Variants in MPRIP observed in about 807,000 individuals in gnomAD.
MPRIP encodes myosin phosphatase Rho-interacting protein.
MPRIP carries 59 observed loss-of-function variants against 234.9 expected under a neutral mutation model. The observed-to-expected ratio is 0.25, with a 90% CI of 0.20 to 0.31. The LOEUF (loss-of-function observed/expected upper bound fraction) is 0.31. MPRIP is among the 10% of genes least tolerant of loss of function. MPRIP has a pLI of 1.00. For synonymous variants in MPRIP, 1,144 were observed against 1,263.9 expected (o/e 0.91, Z 2.01); for missense variants, 2,436 against 3,071.0 (o/e 0.79, Z 4.89).
chr17:17,052,281 G>GT (rs2088565362), intron 1 of MPRIP, among the ~76,000 whole-genome samples: 1 of 152,212 alleles, frequency 6.6e-6, no homozygotes, highest in South Asian at 2.1e-4. Context: ...ACTCCTTAGT[G>GT]TTTTTGTTTG....
intron 3 of MPRIP, among the ~76,000 whole-genome samples, chr17:17,110,015 G>A (rs1207327176): frequency 6.6e-6 from 1 of 152,116 alleles, no homozygotes; most frequent in African/African-American, 2.4e-5. Flanking sequence ...TTGGAGGTGG[G>A]GCCTAGTTGG....
chr17:17,156,946 C>G (rs1401032905), intron 13 of MPRIP, among the ~76,000 whole-genome samples: 1 of 152,226 alleles, frequency 6.6e-6, no homozygotes, highest in Non-Finnish European at 1.5e-5. Context: ...CCTTGGTTCT[C>G]TCTCTAAAGA....
At position 17,042,829 on chromosome 17, in the gene MPRIP, C is replaced by T. The variant is rs745656803; in HGVS notation, c.-20C>T. On this transcript the variant is annotated 5_prime_UTR_variant, in exon 1 of 24. Coordinates refer to ENST00000651222, the MANE Select transcript of MPRIP (RefSeq NM_001364716.4). ...CAGGCCTGCGCCGCCGCCGCCGCCG[C>T]CGTCGCCGCCGCGCCGACCATGTCG... is the stretch of plus-strand genomic sequence containing the variant. The T allele has an allele frequency of 2.2e-4, 323 of 1,444,046 alleles. No individual in the cohort carries two copies. Among genetic ancestry groups the T allele is most frequent in the Non-Finnish European group, 2.9e-4 (311 of 1,086,412 alleles). The allele number at this position is 1,444,046 out of a possible 1,614,324, so 89.5% of individuals were successfully genotyped here.
In MPRIP at chr17:17,166,160, G is replaced by A. The variant is rs982071506; in HGVS notation, c.4569G>A (p.Pro1523=). 33 of 1,302,358 alleles carry A rather than the reference G, an allele frequency of 2.5e-5. No individual in the cohort carries two copies. Among genetic ancestry groups the A allele is most frequent in the African/African-American group, 6.1e-5 (4 of 65,822 alleles). 80.7% of individuals were successfully genotyped at this position (1,302,358 alleles called of 1,614,324 possible). ...VSAIQALQHW[P]APAHGGARAQ... ...CCATCCAAGCCCTGCAGCACTGGCCGGCCCCAGCCCATGGCGGGGCCCGTG... is the reference window on the plus strand; with the variant it reads ...CCATCCAAGCCCTGCAGCACTGGCCAGCCCCAGCCCATGGCGGGGCCCGTG... The change falls in exon 16 of 24, where the codon CCG becomes CCA. Residue 1523 remains proline (P), a synonymous_variant. Coordinates refer to ENST00000651222, the MANE Select transcript of MPRIP (RefSeq NM_001364716.4). This position sits in a 1 kb window ranked among gnomAD's most constrained non-coding sequence, Gnocchi z 4.4.
At chr17:17,087,471 G>GT (rs1276596077) in intron 3 of MPRIP, among the ~76,000 whole-genome samples, 21 of 152,366 alleles carry the variant, frequency 1.4e-4, no homozygotes, top group African/African-American at 4.8e-4. Flanking sequence ...ACGTGCCAGA[G>GT]TGAGCAGGCA....
At chr17:17,126,935 G>A in intron 4 of MPRIP, 82 bp downstream of exon 4, 1 of 1,522,446 alleles carries the variant, frequency 6.6e-7, no homozygotes, top group Admixed American at 1.8e-5. Flanking sequence ...CCCTGTGGCA[G>A]TGTCGATGTT....
intron 15 of MPRIP, among the ~76,000 whole-genome samples, chr17:17,161,929 A>G (rs1363935518): frequency 1.3e-5 from 2 of 152,202 alleles, no homozygotes; most frequent in African/African-American, 4.8e-5. Flanking sequence ...GAGCCCTGAT[A>G]TAGGGGTGTC....
chr17:17,129,256 TC>T (rs573062388), intron 4 of MPRIP, among the ~76,000 whole-genome samples: 2 of 152,184 alleles, frequency 1.3e-5, no homozygotes, highest in South Asian at 4.2e-4. Context: ...AGTCTGGACT[TC>T]CCTTCTCCCT....
intron 3 of MPRIP, among the ~76,000 whole-genome samples, chr17:17,102,437 G>T (rs751362321): frequency 6.6e-6 from 1 of 152,244 alleles, no homozygotes; most frequent in Non-Finnish European, 1.5e-5. Context: ...GGTGCAGTGC[G>T]GAGCTGTCAG....
intron 3 of MPRIP, among the ~76,000 whole-genome samples, chr17:17,099,764 A>G (rs1034394755): frequency 3.3e-5 from 5 of 152,182 alleles, no homozygotes; most frequent in East Asian, 1.9e-4. Context: ...AAAAATATAT[A>G]AAGATTGGAT....
At chr17:17,146,200 T>A in intron 10 of MPRIP, 108 bp downstream of exon 10, 1 of 951,124 alleles carries the variant, frequency 1.1e-6, no homozygotes, top group Middle Eastern at 2.4e-4. Flanking sequence ...GCCTTCCTCC[T>A]CCATGCCCCT....
intron 20 of MPRIP, among the ~76,000 whole-genome samples, 197 bp downstream of exon 20, chr17:17,175,609 C>T (rs2046238413): frequency 6.6e-6 from 1 of 152,200 alleles, no homozygotes; most frequent in Non-Finnish European, 1.5e-5. Context: ...AGCCACTAGC[C>T]GAGTGGAGCC....
At chr17:17,146,298 T>C (rs1360729506) in intron 10 of MPRIP, among the ~76,000 whole-genome samples, 1 of 152,182 alleles carries the variant, frequency 6.6e-6, no homozygotes, top group Non-Finnish European at 1.5e-5. Flanking sequence ...TGGGGGGTGC[T>C]CTGGAGGGGC....
chr17:17,075,936 T>C (rs1378120169), intron 2 of MPRIP, 149 bp downstream of exon 2: 4 of 698,002 alleles, frequency 5.7e-6, no homozygotes, highest in Non-Finnish European at 9.8e-6. Context: ...GGTGCACTTG[T>C]ACGTTGTACA....
At chr17:17,103,586 C>T (rs960642562) in intron 3 of MPRIP, among the ~76,000 whole-genome samples, 1 of 152,206 alleles carries the variant, frequency 6.6e-6, no homozygotes, top group Admixed American at 6.5e-5. Context: ...TTAAAAAAAA[C>T]TGCCCCTTCC....
chr17:17,175,521 C>T, intron 20 of MPRIP, 109 bp downstream of exon 20: 9 of 1,342,056 alleles, frequency 6.7e-6, no homozygotes, highest in Non-Finnish European at 8.9e-6. Flanking sequence ...AGACCTGAGA[C>T]AGCAGGAGTC....
Position 17,174,019 on chromosome 17 carries a change from C to T in MPRIP, c.6694C>T (p.Arg2232Trp), listed in dbSNP as rs1041780253. 6.2e-7 allele frequency: 1 copy of T among 1,613,512 alleles called. No individual in the cohort carries two copies. Among genetic ancestry groups the T allele is most frequent in the Non-Finnish European group, 8.5e-7 (1 of 1,180,022 alleles). The stretch of plus-strand genomic sequence containing the variant: ...TCTGGCCCAGGCGCTGGAGGCCGAG[C>T]GGCAGGCCCTGCGGCAGTGCCAGCG... ...AHLAQALEAERQALRQCQREN... is the reference protein window; with the variant it reads ...AHLAQALEAEWQALRQCQREN... The change falls in exon 19 of 24, where the codon CGG (arginine) becomes TGG (tryptophan). Residue 2232 changes from arginine (R) to tryptophan (W), a missense_variant. This residue lies in a region of MPRIP where 1,998 missense variants were observed against 2,520.3 expected (regional missense o/e 0.79). Coordinates refer to ENST00000651222, the MANE Select transcript of MPRIP (RefSeq NM_001364716.4).
chr17:17,165,779 G>A lies in MPRIP; in HGVS notation c.4188G>A (p.Lys1396=). 1.5e-6 allele frequency: 2 copies of A among 1,304,664 alleles called. No homozygotes were observed. Among genetic ancestry groups the A allele is most frequent in the Non-Finnish European group, 2.0e-6 (2 of 988,970 alleles). The allele number at this position is 1,304,664 out of a possible 1,614,324, so 80.8% of individuals were successfully genotyped here. A position where few individuals can be genotyped will look rare whatever the true frequency, so the allele number is the denominator to read the frequency against. Residue 1396 remains lysine (K), a synonymous_variant, in exon 16 of 24, where the codon AAG becomes AAA. Transcript: ENST00000651222. ...LETKLYVTEE[K]LKDVTVRLES... ...CCAAGCTCTACGTCACAGAGGAAAA[G>A]CTCAAAGACGTGACCGTGAGGCTGG... is the stretch of plus-strand genomic sequence containing the variant.
At chr17:17,160,775 C>T (rs1230559469) in intron 14 of MPRIP, among the ~76,000 whole-genome samples, 2 of 152,220 alleles carry the variant, frequency 1.3e-5, no homozygotes, top group African/African-American at 2.4e-5. Flanking sequence ...ACAGTGGTCC[C>T]TGTAGAGCCT....
Sources: allele counts gnomAD v4.1 joint callset (sites outside exome capture counted in the v4.1 genomes callset), GRCh38; gene constraint gnomAD v4.1.1; regional missense constraint gnomAD v4.1.1; non-coding constraint Gnocchi (gnomAD v3.1); transcripts MANE v1.5; gene names NCBI Gene and HGNC (gene_info 2026-07-23, HGNC 2026-07-21).